The following NOS2 variants were observed in gnomAD, a reference collection of about 807,000 sequenced individuals.
NOS2 encodes the protein nitric oxide synthase 2.
In NOS2, 96 loss-of-function variants were observed where a neutral mutation model predicts 136.0. The ratio of observed to expected loss-of-function variants is 0.71; its 90% CI spans 0.60 to 0.84. The LOEUF is 0.84. Among genes scored for constraint, NOS2 ranks in the 40% least tolerant of loss-of-function variants. The pLI is 0.00. For missense variants in NOS2, 1,237 were observed against 1,496.9 expected, an observed-to-expected ratio of 0.83 and a Z score of 2.87; for synonymous variants, 539 against 587.5, an observed-to-expected ratio of 0.92 and a Z score of 1.20.
intron 23 of NOS2, 123 bp downstream of exon 23, chr17:27,761,021 C>T (rs3730234): frequency 0.037 from 35,292 of 955,984 alleles, 1,604 homozygotes; most frequent in African/African-American, 0.19. Context: ...CAGTGTGACC[C>T]CAGTGCCTTC....
chr17:27,769,458 A>C, intron 16 of NOS2, 77 bp downstream of exon 16: 1 of 1,246,498 alleles, frequency 8.0e-7, no homozygotes, highest in Non-Finnish European at 1.2e-6. Flanking sequence ...CCCTGTGCAC[A>C]CCCAGTTCCA....
At chr17:27,785,001 A>G (rs527399332) in intron 5 of NOS2, among the ~76,000 whole-genome samples, 18 of 152,216 alleles carry the variant, frequency 1.2e-4, no homozygotes, top group African/African-American at 1.7e-4. Context: ...CACCCGCCCA[A>G]TTGCCTTCCA....
intron 20 of NOS2, among the ~76,000 whole-genome samples, chr17:27,765,152 T>C (rs1301657582): frequency 1.3e-5 from 2 of 152,134 alleles, no homozygotes; most frequent in Non-Finnish European, 2.9e-5. Context: ...TCCTGTCTAA[T>C]TATTTTTGTA....
chr17:27,764,089 G>A lies in NOS2; in HGVS notation c.2484C>T (p.Leu828=). The change falls in exon 21 of 27, where the codon CTC becomes CTT. Residue 828 remains leucine, a synonymous_variant. Coordinates refer to ENST00000313735, the MANE Select transcript of NOS2 (RefSeq NM_000625.4). ...RLPPCSLSQA[L]TYFLDITTPP... The stretch of plus-strand genomic sequence containing the variant: ...GTGTGGTGATGTCCAGGAAGTAGGT[G>A]AGGGCCTGGCTGAGTGAGCAGGGGG... The A allele has an allele frequency of 1.2e-6, 2 of 1,609,764 alleles. No homozygotes were observed. The highest frequency in any genetic ancestry group is 1.7e-6 in the Non-Finnish European group (2 of 1,178,104).
At chr17:27,789,999 C>G (rs1909143012) in intron 2 of NOS2, among the ~76,000 whole-genome samples, 1 of 152,220 alleles carries the variant, frequency 6.6e-6, no homozygotes, top group Non-Finnish European at 1.5e-5. Context: ...AAACGTGGCA[C>G]AGGGGCTGGG....
chr17:27,793,694 T>G, intron 2 of NOS2: 1 of 395,238 alleles, frequency 2.5e-6, no homozygotes, highest in Non-Finnish European at 4.5e-6. Context: ...CCCTCGCGCA[T>G]GGCCCGGCTC....
intron 10 of NOS2, 29 bp from the exon 11 acceptor site, chr17:27,778,820 C>T (rs200878604): frequency 4.0e-5 from 65 of 1,613,426 alleles, no homozygotes; most frequent in Non-Finnish European, 5.2e-5. Flanking sequence ...AGCGGCGAGT[C>T]GGTCCCTGAA....
At chr17:27,798,164 C>A (rs1909413152) in intron 2 of NOS2, among the ~76,000 whole-genome samples, 1 of 152,108 alleles carries the variant, frequency 6.6e-6, no homozygotes, top group South Asian at 2.1e-4. Flanking sequence ...GTTCCTCATA[C>A]CACAGGTGAG....
Position 27,767,725 on chromosome 17 carries a change from T to A in NOS2, c.2147A>T (p.Gln716Leu), listed in dbSNP as rs746302514. The change falls in exon 18 of 27, where the codon CAG becomes CTG. Residue 716 changes from glutamine (Q) to leucine (L), a missense_variant. Transcript: ENST00000313735. ...PHHYRLVQDS[Q>L]PLDLSKALSS... ...GGTACCTTTGCTGAGGTCCAAAGGC[T>A]GTGAGTCCTGCACGAGCCTGTAGTG... 59 of 1,613,612 alleles carry A rather than the reference T, an allele frequency of 3.7e-5. No homozygotes were observed. In the Middle Eastern group the frequency reaches 1.0e-3, roughly 27 times the overall value.
chr17:27,789,803 G>A, intron 2 of NOS2, 115 bp from the exon 3 acceptor site: 1 of 705,384 alleles, frequency 1.4e-6, no homozygotes, highest in Non-Finnish European at 2.5e-6. Flanking sequence ...CCAGAGGGTG[G>A]GAGTGAATTG....
chr17:27,791,788 A>AT (rs1404917866), intron 2 of NOS2, among the ~76,000 whole-genome samples: 23 of 150,642 alleles, frequency 1.5e-4, no homozygotes, highest in African/African-American at 5.7e-4. Flanking sequence ...AAAACAAAAC[A>AT]AAACAAAACA....
At chr17:27,782,405 A>T (rs1908880396) in intron 6 of NOS2, among the ~76,000 whole-genome samples, 2 of 152,152 alleles carry the variant, frequency 1.3e-5, no homozygotes, top group African/African-American at 4.8e-5. Flanking sequence ...ACTTGAAAGC[A>T]CCATGAATCG....
At chr17:27,793,549 C>G in intron 2 of NOS2, 1 of 397,092 alleles carries the variant, frequency 2.5e-6, no homozygotes, top group Non-Finnish European at 4.4e-6. Flanking sequence ...TCGGAGCCCA[C>G]CGCTTCCCTC....
chr17:27,779,673 C>T (rs1908781858), intron 9 of NOS2, among the ~76,000 whole-genome samples: 2 of 152,160 alleles, frequency 1.3e-5, no homozygotes, highest in Non-Finnish European at 2.9e-5. Flanking sequence ...ATGTGCCAGG[C>T]TCTGTGCTAA....
At chr17:27,758,104 C>T (rs1158926400) in intron 26 of NOS2, among the ~76,000 whole-genome samples, 1 of 152,164 alleles carries the variant, frequency 6.6e-6, no homozygotes, top group Non-Finnish European at 1.5e-5. Context: ...CTGGGTTTGT[C>T]AGCCCCAGTA....
intron 24 of NOS2, 26 bp from the exon 25 acceptor site, chr17:27,760,204 C>A: frequency 1.3e-6 from 2 of 1,517,954 alleles, no homozygotes; most frequent in South Asian, 1.3e-5. Flanking sequence ...GCTGTTGTTA[C>A]CATGTTGGCC....
chr17:27,773,168 A>C lies in NOS2; in HGVS notation c.1552T>G (p.Leu518Val). Residue 518 changes from leucine (L) to valine (V), a missense_variant, in exon 13 of 27, where the codon TTG (leucine) becomes GTG (valine). This residue lies in a region of NOS2 where 782 missense variants were observed against 909.9 expected (regional missense o/e 0.86). Transcript: ENST00000313735. ...PKRREIPLKVLVKAVLFACML... is the reference protein window; with the variant it reads ...PKRREIPLKVVVKAVLFACML... ...ACTGCCACTGCCACTCACTTGACCA[A>C]GACTTTCAATGGAATCTCTCTTCTC... 1 of 1,613,882 alleles carries C rather than the reference A, an allele frequency of 6.2e-7. No homozygotes were observed. The highest frequency in any genetic ancestry group is 8.5e-7 in the Non-Finnish European group (1 of 1,179,720).
intron 17 of NOS2, 79 bp from the exon 18 acceptor site, chr17:27,767,916 CCCTTA>C: frequency 1.9e-6 from 3 of 1,575,400 alleles, no homozygotes; most frequent in Non-Finnish European, 2.6e-6. Flanking sequence ...ACTTTTTAGG[CCCTTA>C]CCATGGGCCA....
chr17:27,767,024 A>G (rs987111540), intron 18 of NOS2, among the ~76,000 whole-genome samples: 1 of 151,602 alleles, frequency 6.6e-6, no homozygotes, highest in East Asian at 1.9e-4. Flanking sequence ...AAAAAAAAAA[A>G]GCTCCTTGAT....
Sources: allele counts gnomAD v4.1 joint callset (sites outside exome capture counted in the v4.1 genomes callset), GRCh38; gene constraint gnomAD v4.1.1; regional missense constraint gnomAD v4.1.1; transcripts MANE v1.5; gene names NCBI Gene and HGNC (gene_info 2026-07-23, HGNC 2026-07-21).